The following ROCK2 variants were observed in gnomAD, a reference collection of about 807,000 sequenced individuals.
ROCK2 encodes Rho associated coiled-coil containing protein kinase 2, also known as rho-associated protein kinase 2.
In ROCK2, 61 loss-of-function variants were observed where a neutral mutation model predicts 195.1. The observed-to-expected ratio is 0.31, with a 90% CI of 0.25 to 0.39. ROCK2 has a LOEUF of 0.39. Among genes scored for constraint, ROCK2 ranks in the 10% least tolerant of loss-of-function variants. The pLI is 1.00. For missense variants in ROCK2, 1,109 were observed against 1,637.4 expected (o/e 0.68, Z 5.57); for synonymous variants, 504 against 545.5 (o/e 0.92, Z 1.06).
intron 20 of ROCK2, among the ~76,000 whole-genome samples, chr2:11,202,624 A>C (rs1485201498): frequency 1.3e-5 from 2 of 151,958 alleles, no homozygotes; most frequent in African/African-American, 4.8e-5. Context: ...CAGCCTCCCG[A>C]GTAGCTGGGA....
intron 32 of ROCK2, among the ~76,000 whole-genome samples, chr2:11,189,467 CTGAT>C (rs1306316504): frequency 6.6e-6 from 1 of 152,182 alleles, no homozygotes; most frequent in East Asian, 1.9e-4. Flanking sequence ...ATTTGCCTCT[CTGAT>C]TGGTTCTTCT....
At chr2:11,324,474 T>A (rs956272952) in intron 1 of ROCK2, among the ~76,000 whole-genome samples, 4 of 152,076 alleles carry the variant, frequency 2.6e-5, no homozygotes, top group Admixed American at 1.3e-4. Flanking sequence ...CACAAAAACC[T>A]GCACACAAAC....
chr2:11,322,514 C>T (rs1668433178), intron 1 of ROCK2, among the ~76,000 whole-genome samples: 1 of 151,836 alleles, frequency 6.6e-6, no homozygotes, highest in South Asian at 2.1e-4. Flanking sequence ...CCATAATGCT[C>T]TTCTAATACT....
In ROCK2 at chr2:11,256,243, G is replaced by A. The variant is rs947290652; in HGVS notation, c.325-6445C>T. On this transcript the variant is annotated intron_variant, in intron 3 of 32. Coordinates refer to ENST00000315872, the MANE Select transcript of ROCK2 (RefSeq NM_004850.5). ...GGTCAAATTGTAATTCCCAGTGTTG[G>A]AGGGAAGGGCCTAGTGGGAGGTGAC... Among the ~76,000 whole-genome samples, 18 of 151,346 alleles carry A rather than the reference G, an allele frequency of 1.2e-4. 1 individual carries two copies. The highest frequency in any genetic ancestry group is 4.4e-4 in the African/African-American group (18 of 40,710).
intron 29 of ROCK2, 110 bp downstream of exon 29, chr2:11,194,146 A>T: frequency 2.0e-6 from 1 of 488,744 alleles, no homozygotes; most frequent in Non-Finnish European, 3.6e-6. Flanking sequence ...ATCACAGGAA[A>T]ATGTAACAAT....
At position 11,299,781 on chromosome 2, in the gene ROCK2, CA is replaced by C. The variant is rs1667649186; in HGVS notation, c.142-12046del. 2.6e-5 allele frequency among the ~76,000 whole-genome samples: 4 copies of C among 152,232 alleles called. 1 individual carries two copies. In the South Asian group the frequency reaches 8.3e-4, roughly 31 times the overall value. ...CAGAACGAGTAGCCAACCTAATTTT[CA>C]TGGAAAAGTAAAAATGTTCTTCTCA... On this transcript the variant is annotated intron_variant, in intron 1 of 32. Coordinates refer to ENST00000315872, the MANE Select transcript of ROCK2 (RefSeq NM_004850.5).
intron 3 of ROCK2, among the ~76,000 whole-genome samples, chr2:11,263,651 GCACA>G (rs11376538): frequency 2.1e-5 from 3 of 144,094 alleles, no homozygotes; most frequent in African/African-American, 5.1e-5. Context: ...ATAGCACAAG[GCACA>G]CACACACACA....
intron 32 of ROCK2, 53 bp from the exon 33 acceptor site, chr2:11,183,493 T>TTA: frequency 7.3e-7 from 1 of 1,364,098 alleles, no homozygotes; most frequent in Non-Finnish European, 1.0e-6. Flanking sequence ...AATTTAAGAG[T>TTA]GTTAAATTCC....
chr2:11,340,283 A>G (rs1483258927), intron 1 of ROCK2, among the ~76,000 whole-genome samples: 1 of 152,236 alleles, frequency 6.6e-6, no homozygotes. Flanking sequence ...ATTTACATCA[A>G]GAGGAATGAC....
intron 3 of ROCK2, among the ~76,000 whole-genome samples, chr2:11,256,322 T>A (rs993821143): frequency 5.3e-5 from 8 of 151,126 alleles, no homozygotes; most frequent in Non-Finnish European, 1.2e-4. Flanking sequence ...TGAGTTCTCA[T>A]GAGATCTGGT....
intron 17 of ROCK2, 100 bp downstream of exon 17, chr2:11,214,257 G>C: frequency 1.5e-6 from 1 of 655,384 alleles, no homozygotes; most frequent in Admixed American, 2.9e-5. Context: ...TGAGCATGTG[G>C]AAATATTCCA....
At chr2:11,240,879 TA>T (rs1665401372) in intron 4 of ROCK2, among the ~76,000 whole-genome samples, 1 of 152,198 alleles carries the variant, frequency 6.6e-6, no homozygotes, top group African/African-American at 2.4e-5. Context: ...TTTGAAAACT[TA>T]AATGTGCATG....
rs1411613905 is a variant in ROCK2, at chr2:11,307,641, A to G, written c.142-19905T>C. Among the ~76,000 whole-genome samples, 5 of 152,192 alleles carry G rather than the reference A, an allele frequency of 3.3e-5. No individual in the cohort carries two copies. In the East Asian group the frequency reaches 9.6e-4, roughly 29 times the overall value. ...AACATTATCTTAAAGAGACTTCTAA[A>G]TAACAAATATATCTGAATCTAAACC... On this transcript the variant is annotated intron_variant, in intron 1 of 32. Coordinates refer to ENST00000315872, the MANE Select transcript of ROCK2 (RefSeq NM_004850.5).
chr2:11,331,028 AGGAGGGAGGAGGAG>A (rs1236627413), intron 1 of ROCK2, among the ~76,000 whole-genome samples: 1 of 106,750 alleles, frequency 9.4e-6, no homozygotes, highest in Non-Finnish European at 2.0e-5. Flanking sequence ...AGGAGGGAGG[AGGAGGGAGGAGGAG>A]GGAGGAGGAG....
intron 7 of ROCK2, 38 bp from the exon 8 acceptor site, chr2:11,222,212 T>C: frequency 8.2e-7 from 1 of 1,222,892 alleles, no homozygotes; most frequent in Non-Finnish European, 1.2e-6. Context: ...ATTTAAAAAT[T>C]ATAAAATAAA....
intron 18 of ROCK2, 63 bp from the exon 19 acceptor site, chr2:11,208,510 G>GT: frequency 1.0e-6 from 1 of 962,630 alleles, no homozygotes; most frequent in Non-Finnish European, 1.4e-6. Flanking sequence ...TCATAAATTT[G>GT]TAAGTAAAAG....
At chr2:11,230,102 AC>A (rs1558310668) in intron 5 of ROCK2, among the ~76,000 whole-genome samples, 1 of 152,098 alleles carries the variant, frequency 6.6e-6, no homozygotes, top group East Asian at 1.9e-4. Context: ...TACAATATAT[AC>A]CCCCTAACTC....
At chr2:11,322,200 A>AAATTGACC (rs1558392413) in intron 1 of ROCK2, among the ~76,000 whole-genome samples, 3 of 152,172 alleles carry the variant, frequency 2.0e-5, no homozygotes, top group Non-Finnish European at 2.9e-5. Flanking sequence ...CCAAAAACAA[A>AAATTGACC]ACAAACAATG....
At chr2:11,284,259 T>C (rs1379478830) in intron 3 of ROCK2, among the ~76,000 whole-genome samples, 3 of 152,122 alleles carry the variant, frequency 2.0e-5, no homozygotes, top group Admixed American at 6.6e-5. Context: ...GGGAGATGAA[T>C]AGGCACAGCA....
Sources: allele counts gnomAD v4.1 joint callset (sites outside exome capture counted in the v4.1 genomes callset), GRCh38; gene constraint gnomAD v4.1.1; transcripts MANE v1.5; gene names NCBI Gene and HGNC (gene_info 2026-07-23, HGNC 2026-07-21).